The following CLDN10 variants were observed in gnomAD, a reference collection of about 807,000 sequenced individuals.
The protein encoded by CLDN10 is claudin-10.
CLDN10 carries 15 observed loss-of-function variants against 22.9 expected under a neutral mutation model. That is an observed-to-expected ratio of 0.65 (90% CI 0.44 to 1.01). CLDN10 has a LOEUF of 1.01. CLDN10 is among the 50% of genes least tolerant of loss of function. The pLI is 0.00. For missense variants in CLDN10, 247 were observed against 287.8 expected, an observed-to-expected ratio of 0.86 and a Z score of 1.03; for synonymous variants, 114 against 111.4, an observed-to-expected ratio of 1.02 and a Z score of -0.15.
intron 3 of CLDN10, among the ~76,000 whole-genome samples, chr13:95,568,598 GTGCTTCCATCCTAACCCTAC>G (rs1007512511): frequency 6.6e-6 from 1 of 151,942 alleles, no homozygotes; most frequent in Non-Finnish European, 1.5e-5. Context: ...TTTCTACCTC[GTGCTTCCATCCTAACCCTAC>G]TGGGTGGTTT....
chr13:95,470,647 C>T (rs889810793), intron 1 of CLDN10, among the ~76,000 whole-genome samples: 28 of 152,054 alleles, frequency 1.8e-4, no homozygotes, highest in African/African-American at 6.5e-4. Context: ...TCTTAGGGAC[C>T]CCTCTTCACG....
At chr13:95,517,725 CAGG>C (rs2043184455) in intron 1 of CLDN10, among the ~76,000 whole-genome samples, 1 of 152,052 alleles carries the variant, frequency 6.6e-6, no homozygotes, top group Admixed American at 6.5e-5. Flanking sequence ...CACCTGAGGT[CAGG>C]AGTTTGAGAC....
chr13:95,565,598 A>C (rs999431349), intron 3 of CLDN10, among the ~76,000 whole-genome samples: 11 of 152,182 alleles, frequency 7.2e-5, no homozygotes, highest in Non-Finnish European at 1.2e-4. Context: ...GTGGCTATTT[A>C]GTAGTTAGAA....
chr13:95,567,231 T>C (rs2043798569), intron 3 of CLDN10, among the ~76,000 whole-genome samples: 1 of 152,214 alleles, frequency 6.6e-6, no homozygotes, highest in South Asian at 2.1e-4. Context: ...ATTTTCACGA[T>C]ATTGATTCTT....
chr13:95,455,151 C>G (rs934239665), intron 1 of CLDN10, among the ~76,000 whole-genome samples: 1 of 149,686 alleles, frequency 6.7e-6, no homozygotes, highest in East Asian at 2.0e-4. Context: ...GGATTACAGG[C>G]GAGCCACCAT....
intron 1 of CLDN10, among the ~76,000 whole-genome samples, chr13:95,495,062 GTCTC>G (rs2042914058): frequency 6.7e-6 from 1 of 149,266 alleles, no homozygotes; most frequent in Admixed American, 6.7e-5. Flanking sequence ...TTTAGATGGA[GTCTC>G]TCTCTGTTGC....
intron 1 of CLDN10, among the ~76,000 whole-genome samples, chr13:95,476,873 T>C (rs905898605): frequency 2.0e-5 from 3 of 152,170 alleles, no homozygotes; most frequent in Admixed American, 6.5e-5. Flanking sequence ...TTTTTCTCCC[T>C]ACATTTGTTC....
chr13:95,518,606 A>G (rs2043193561), intron 1 of CLDN10, among the ~76,000 whole-genome samples: 1 of 152,110 alleles, frequency 6.6e-6, no homozygotes. Context: ...AAATACAAAA[A>G]TTAGCTGGGC....
intron 3 of CLDN10, among the ~76,000 whole-genome samples, chr13:95,562,202 G>C (rs1163177452): frequency 6.6e-6 from 1 of 151,994 alleles, no homozygotes; most frequent in African/African-American, 2.4e-5. Flanking sequence ...GAAGTGCTGG[G>C]ATTACAGGTG....
At chr13:95,558,349 G>T (rs1361448101) in intron 1 of CLDN10, among the ~76,000 whole-genome samples, 1 of 152,184 alleles carries the variant, frequency 6.6e-6, no homozygotes, top group Non-Finnish European at 1.5e-5. Context: ...TGGCAGCGGA[G>T]ACCCAGATAG....
intron 1 of CLDN10, among the ~76,000 whole-genome samples, chr13:95,472,843 G>A (rs1189151592): frequency 6.6e-6 from 1 of 151,558 alleles, no homozygotes; most frequent in East Asian, 2.0e-4. Context: ...ATGGCTCCTA[G>A]AATCAGGTGC....
intron 1 of CLDN10, among the ~76,000 whole-genome samples, chr13:95,438,279 G>A (rs980901007): frequency 6.6e-6 from 1 of 152,142 alleles, no homozygotes; most frequent in Non-Finnish European, 1.5e-5. Context: ...ATAATTAGCT[G>A]GACATGGTAA....
chr13:95,478,498 C>G (rs1411205517), intron 1 of CLDN10, among the ~76,000 whole-genome samples: 2 of 152,088 alleles, frequency 1.3e-5, no homozygotes, highest in Non-Finnish European at 2.9e-5. Context: ...ATGTGCTGTA[C>G]CAGGACCAGA....
chr13:95,455,751 CTG>C (rs1566279430), intron 1 of CLDN10, among the ~76,000 whole-genome samples: 1 of 152,216 alleles, frequency 6.6e-6, no homozygotes, highest in East Asian at 1.9e-4. Context: ...AGTTGAATAA[CTG>C]TATATTGACC....
chr13:95,554,856 T>C (rs748903846), intron 1 of CLDN10, among the ~76,000 whole-genome samples: 20 of 152,224 alleles, frequency 1.3e-4, no homozygotes, highest in Non-Finnish European at 2.4e-4. Context: ...GGTGCTTTAC[T>C]GAAAATCTTA....
intron 1 of CLDN10, among the ~76,000 whole-genome samples, chr13:95,483,768 T>C (rs937062435): frequency 1.3e-5 from 2 of 152,202 alleles, no homozygotes; most frequent in Non-Finnish European, 2.9e-5. Flanking sequence ...CCACCATCCA[T>C]TGGTCACTCG....
intron 1 of CLDN10, among the ~76,000 whole-genome samples, chr13:95,475,507 TG>T (rs2042677192): frequency 6.6e-6 from 1 of 152,232 alleles, no homozygotes; most frequent in Non-Finnish European, 1.5e-5. Flanking sequence ...TCAGCTGTGC[TG>T]ACTGAGCACT....
chr13:95,561,356 C>G (rs2043710201), intron 3 of CLDN10, among the ~76,000 whole-genome samples: 1 of 152,112 alleles, frequency 6.6e-6, no homozygotes, highest in Non-Finnish European at 1.5e-5. Context: ...TAGGAATCTT[C>G]AGGAAATTGA....
intron 1 of CLDN10, among the ~76,000 whole-genome samples, chr13:95,506,108 C>G (rs2043035858): frequency 6.6e-6 from 1 of 152,170 alleles, no homozygotes; most frequent in African/African-American, 2.4e-5. Context: ...AACCTCACTG[C>G]TTAATGCCCC....
Sources: gnomAD v4.1 joint callset for allele counts (sites outside exome capture counted in the v4.1 genomes callset) on GRCh38, gnomAD v4.1.1 for gene constraint, MANE v1.5 for transcripts, NCBI Gene and HGNC (gene_info 2026-07-23, HGNC 2026-07-21) for gene names.